USP37: variants seen among roughly 807,000 people sequenced by gnomAD.
USP37 encodes ubiquitin specific peptidase 37.
In USP37, 27 loss-of-function variants were observed where a neutral mutation model predicts 124.0. The observed-to-expected ratio is 0.22, with a 90% CI of 0.16 to 0.30. The LOEUF is 0.30. USP37 is among the 10% of genes least tolerant of loss of function. The probability of loss-of-function intolerance (pLI) is 1.00; values close to 1 mark genes in which losing one functional copy is unlikely to be tolerated. For missense variants in USP37, 889 were observed against 1,140.4 expected, an observed-to-expected ratio of 0.78 and a Z score of 3.17; for synonymous variants, 365 against 388.0, an observed-to-expected ratio of 0.94 and a Z score of 0.70.
At chr2:218,519,050 A>G (rs1212023651) in intron 10 of USP37, among the ~76,000 whole-genome samples, 1 of 152,226 alleles carries the variant, frequency 6.6e-6, no homozygotes, top group Non-Finnish European at 1.5e-5. Context: ...TAAAAAATAT[A>G]GTTTTTCAGT....
chr2:218,526,969 T>C (rs1443989994), intron 10 of USP37, among the ~76,000 whole-genome samples: 4 of 151,758 alleles, frequency 2.6e-5, no homozygotes, highest in South Asian at 2.1e-4. Flanking sequence ...TTTGTATTTT[T>C]AGTAGAGACG....
chr2:218,484,757 C>T (rs1055259553), intron 16 of USP37, among the ~76,000 whole-genome samples: 1 of 151,758 alleles, frequency 6.6e-6, no homozygotes, highest in Non-Finnish European at 1.5e-5. Flanking sequence ...CACTTACTGA[C>T]AGAATATTGA....
Position 218,553,577 on chromosome 2 carries a change from C to T in USP37, c.304G>A (p.Val102Ile). Residue 102 changes from valine (V) to isoleucine (I), a missense_variant, in exon 5 of 26, where the codon GTC (valine) becomes ATC (isoleucine). Transcript: ENST00000258399. ...CCTGCAGGAAGTCTGTTTTGATGGACTGCATCTAGAAACAACCTCATTTCC... is the reference window on the plus strand; with the variant it reads ...CCTGCAGGAAGTCTGTTTTGATGGATTGCATCTAGAAACAACCTCATTTCC... The part of the protein sequence containing the change: ...AEEMRLFLDA[V>I]HQNRLPAAMK... The T allele has an allele frequency of 6.2e-7, 1 of 1,613,442 alleles. No individual in the cohort carries two copies.
At chr2:218,512,547 GA>G (rs1559198271) in intron 10 of USP37, among the ~76,000 whole-genome samples, 22 of 152,030 alleles carry the variant, frequency 1.4e-4, no homozygotes, top group Non-Finnish European at 2.7e-4. Flanking sequence ...AATAAATTGC[GA>G]AATAGAATAC....
chr2:218,485,823 TTAGTTC>T lies in USP37; in HGVS notation c.1591-86_1591-81del. On this transcript the variant is annotated intron_variant, in intron 15 of 25. Coordinates refer to ENST00000258399, the MANE Select transcript of USP37 (RefSeq NM_020935.3). ...ATGCAAATAATTTGCTCTAGTCTTA[TTAGTTC>T]CATTAGTGGAATGACAACTCTGAAC... 12 of 1,424,382 alleles carry T rather than the reference TTAGTTC, an allele frequency of 8.4e-6. 1 individual carries two copies. In the South Asian group the frequency reaches 1.5e-4, roughly 18 times the overall value. 88.2% of individuals were successfully genotyped at this position (1,424,382 alleles called of 1,614,324 possible).
chr2:218,476,403 G>A (rs1690980333), intron 19 of USP37, among the ~76,000 whole-genome samples: 3 of 147,994 alleles, frequency 2.0e-5, no homozygotes, highest in African/African-American at 4.9e-5. Context: ...GTAAGACCTT[G>A]TCTCTACAAA....
At chr2:218,509,946 A>T (rs748376102) in intron 11 of USP37, 33 bp downstream of exon 11, 1 of 1,499,672 alleles carries the variant, frequency 6.7e-7, no homozygotes, top group South Asian at 1.4e-5. Flanking sequence ...ATCACTTTAT[A>T]AAAAAGAAAG....
intron 5 of USP37, among the ~76,000 whole-genome samples, chr2:218,550,635 GAA>G (rs373286666): frequency 6.1e-5 from 6 of 98,002 alleles, no homozygotes; most frequent in African/African-American, 2.2e-4. Context: ...AAAGAAAAAA[GAA>G]AAAAAAAAAA....
chr2:218,493,987 G>A (rs975374403), intron 14 of USP37, among the ~76,000 whole-genome samples: 2 of 152,174 alleles, frequency 1.3e-5, no homozygotes. Flanking sequence ...TGTCTGGAAG[G>A]TGCATTAGAA....
intron 22 of USP37, 131 bp downstream of exon 22, chr2:218,463,175 A>AACACACAC (rs3835979): frequency 1.1e-4 from 59 of 529,498 alleles, no homozygotes; most frequent in African/African-American, 7.7e-4. Context: ...CCCCACAATA[A>AACACACAC]ACACACACAC....
At chr2:218,506,139 C>A (rs997635744) in intron 11 of USP37, among the ~76,000 whole-genome samples, 1 of 152,090 alleles carries the variant, frequency 6.6e-6, no homozygotes, top group Non-Finnish European at 1.5e-5. Flanking sequence ...GCTGGTATAA[C>A]AGGCATGAGT....
chr2:218,492,730 G>A (rs752185803), intron 14 of USP37, among the ~76,000 whole-genome samples: 5 of 152,178 alleles, frequency 3.3e-5, no homozygotes, highest in Non-Finnish European at 7.3e-5. Context: ...TACAAAGCTG[G>A]GCACAGTGGC....
intron 1 of USP37, among the ~76,000 whole-genome samples, chr2:218,567,734 T>C (rs533054564): frequency 9.9e-5 from 15 of 152,224 alleles, no homozygotes; most frequent in Non-Finnish European, 2.1e-4. Flanking sequence ...CGGCTAGAAA[T>C]GGGCGCAAGG....
chr2:218,454,873 G>C lies in USP37; in HGVS notation c.*57C>G. 6.3e-7 allele frequency: 1 copy of C among 1,591,600 alleles called. No individual in the cohort carries two copies. Among genetic ancestry groups the C allele is most frequent in the South Asian group, 1.1e-5 (1 of 88,694 alleles). ...AATTCTCCTTCAGCAGAGGAAAGGT[G>C]AGGTGGGCAGCAGTAACAAATATGC... On this transcript the variant is annotated 3_prime_UTR_variant, in exon 26 of 26. Transcript: ENST00000258399.
At chr2:218,556,729 T>G (rs1693002260) in intron 4 of USP37, among the ~76,000 whole-genome samples, 1 of 152,058 alleles carries the variant, frequency 6.6e-6, no homozygotes, top group African/African-American at 2.4e-5. Context: ...GCCAGGCTGG[T>G]CTCGAACTCC....
Position 218,488,362 on chromosome 2 carries a change from C to T in USP37, c.1532G>A (p.Arg511His), listed in dbSNP as rs376395010. 2.4e-5 allele frequency: 39 copies of T among 1,612,302 alleles called. No homozygotes were observed. The highest frequency in any genetic ancestry group is 1.5e-4 in the Admixed American group (9 of 59,770). The change falls in exon 15 of 26, where the codon CGT (arginine) becomes CAT (histidine). Residue 511 changes from arginine (R) to histidine (H), a missense_variant. Arg to His is a conservative substitution (Grantham distance 29). Around this residue, in one of 3 missense-constraint regions of USP37, gnomAD observed 504 missense variants for 714.3 expected, o/e 0.71. Coordinates refer to ENST00000258399, the MANE Select transcript of USP37 (RefSeq NM_020935.3). ...ACGAGGAGGGAGTGGTTTTTTCCTA[C>T]GAGGAAGGTCAATAGAGAGGTCATT... ...QFNDLSIDLP[R>H]RKKPLPPRSI...
At chr2:218,519,807 G>A (rs544999456) in intron 10 of USP37, among the ~76,000 whole-genome samples, 4 of 152,084 alleles carry the variant, frequency 2.6e-5, no homozygotes, top group East Asian at 1.9e-4. Context: ...GTTTCACCAC[G>A]TTGGCCAGGC....
intron 10 of USP37, among the ~76,000 whole-genome samples, chr2:218,522,875 T>C (rs899933362): frequency 1.3e-5 from 2 of 152,096 alleles, no homozygotes; most frequent in African/African-American, 4.8e-5. Context: ...CGGCAGCTCA[T>C]GCCCTGTAAT....
intron 6 of USP37, among the ~76,000 whole-genome samples, chr2:218,547,673 T>C (rs1009900741): frequency 2.7e-5 from 4 of 150,918 alleles, no homozygotes; most frequent in Admixed American, 6.6e-5. Context: ...TATCTAATTA[T>C]GATTATGACA....
Sources: gnomAD v4.1 joint callset for allele counts (sites outside exome capture counted in the v4.1 genomes callset) on GRCh38, gnomAD v4.1.1 for gene constraint, gnomAD v4.1.1 regional missense constraint, MANE v1.5 for transcripts, NCBI Gene and HGNC (gene_info 2026-07-23, HGNC 2026-07-21) for gene names.